Variants in UBXN7 observed in about 807,000 individuals in gnomAD.
UBXN7 encodes the protein UBX domain protein 7.
Under a neutral mutation model 58.0 loss-of-function variants are expected in UBXN7, and 9 were observed. The ratio of observed to expected loss-of-function variants is 0.16; its 90% confidence interval spans 0.09 to 0.27. UBXN7 has a LOEUF of 0.27. Ranked by LOEUF, UBXN7 falls within the 10% of genes least tolerant of loss-of-function variation. The pLI is 1.00. For synonymous variants in UBXN7, 208 were observed against 205.0 expected, an observed-to-expected ratio of 1.01 and a Z score of -0.12; for missense variants, 328 against 599.6, an observed-to-expected ratio of 0.55 and a Z score of 4.73.
At position 196,415,153 on chromosome 3, in the gene UBXN7, C is replaced by CTT. The variant is rs869101939; in HGVS notation, c.74-7762_74-7761dup. Among the ~76,000 whole-genome samples the CTT allele has an allele frequency of 8.3e-4, 108 of 130,354 alleles. 1 individual carries two copies. The highest frequency in any genetic ancestry group is 8.9e-4 in the Non-Finnish European group (54 of 60,808). 85.5% of individuals were successfully genotyped at this position (130,354 alleles called of 152,430 possible). A position where few individuals can be genotyped will look rare whatever the true frequency, so the allele number is the denominator to read the frequency against. On this transcript the variant is annotated intron_variant, in intron 1 of 10. Transcript: ENST00000296328. ...TACATTGTGTTGTATTATCATACTT[C>CTT]TTTTTTTTTTTTTTTTTTGAGACAG...
At position 196,362,698 on chromosome 3, in the gene UBXN7, G is replaced by A. The variant is rs757826319; in HGVS notation, c.835-11C>T. The A allele has an allele frequency of 1.9e-6, 3 of 1,590,066 alleles. No homozygotes were observed. Among genetic ancestry groups the A allele is most frequent in the Admixed American group, 1.7e-5 (1 of 57,280 alleles). ...ATCTATAAGGCTCTCCTGTGAGATG[G>A]AGTCATAAAACACAGGAAAAAGAAC... On this transcript the variant is annotated splice_polypyrimidine_tract_variant and intron_variant, in intron 8 of 10. Coordinates refer to ENST00000296328, the MANE Select transcript of UBXN7 (RefSeq NM_015562.2).
chr3:196,410,236 G>A (rs576163271), intron 1 of UBXN7, among the ~76,000 whole-genome samples: 1 of 152,102 alleles, frequency 6.6e-6, no homozygotes, highest in East Asian at 1.9e-4. Flanking sequence ...CACCACACTT[G>A]GCCTAAAAAA....
chr3:196,382,683 C>G (rs181979295), intron 5 of UBXN7, among the ~76,000 whole-genome samples: 4 of 152,292 alleles, frequency 2.6e-5, no homozygotes, highest in Admixed American at 2.0e-4. Context: ...AATTAAAAGA[C>G]ACAGACTGGC....
At chr3:196,401,767 TTAAAA>T (rs1447364629) in intron 3 of UBXN7, among the ~76,000 whole-genome samples, 3 of 82,032 alleles carry the variant, frequency 3.7e-5, no homozygotes, top group Non-Finnish European at 5.2e-5. Context: ...CATCTCTATT[TTAAAA>T]AAAAAAAAAA....
At chr3:196,402,021 G>GTATT (rs1577464539) in intron 3 of UBXN7, among the ~76,000 whole-genome samples, 2 of 152,064 alleles carry the variant, frequency 1.3e-5, no homozygotes, top group Admixed American at 1.3e-4. Flanking sequence ...GTACTCAATT[G>GTATT]TATTTATTTA....
chr3:196,375,183 CCACACACACACACACACACACACA>C (rs56188527), intron 5 of UBXN7, among the ~76,000 whole-genome samples: 1 of 139,732 alleles, frequency 7.2e-6, no homozygotes, highest in African/African-American at 2.7e-5. Context: ...GGTGCTCTTA[CCACACACACACACACACACACACA>C]CACACACACA....
chr3:196,361,797 G>C (rs753071089), intron 10 of UBXN7, 47 bp downstream of exon 10: 3 of 1,530,240 alleles, frequency 2.0e-6, no homozygotes, highest in African/African-American at 2.8e-5. Flanking sequence ...TTTGGGACTC[G>C]TCTTATTGCA....
chr3:196,387,137 A>G (rs576884857), intron 5 of UBXN7, among the ~76,000 whole-genome samples: 1 of 152,322 alleles, frequency 6.6e-6, no homozygotes, highest in African/African-American at 2.4e-5. Flanking sequence ...AACACCACAC[A>G]TCTACAACCA....
intron 5 of UBXN7, among the ~76,000 whole-genome samples, chr3:196,379,538 A>G (rs1279856872): frequency 1.3e-5 from 2 of 152,152 alleles, no homozygotes; most frequent in African/African-American, 2.4e-5. Flanking sequence ...AGAGGGAAAA[A>G]GATTCAACTT....
At chr3:196,388,747 T>C (rs1294430227) in intron 5 of UBXN7, among the ~76,000 whole-genome samples, 1 of 152,158 alleles carries the variant, frequency 6.6e-6, no homozygotes, top group Admixed American at 6.5e-5. Flanking sequence ...CCAAAGAGTA[T>C]CCCTCTAATT....
intron 1 of UBXN7, among the ~76,000 whole-genome samples, chr3:196,430,323 C>G (rs1274345388): frequency 6.6e-6 from 1 of 151,960 alleles, no homozygotes; most frequent in South Asian, 2.1e-4. Context: ...CCTGGGAGAT[C>G]TGCACTCCAA....
intron 5 of UBXN7, among the ~76,000 whole-genome samples, chr3:196,373,952 G>A (rs917971649): frequency 2.6e-5 from 4 of 152,258 alleles, no homozygotes; most frequent in South Asian, 2.1e-4. Flanking sequence ...CCAGGAAGCC[G>A]CATTTAACTG....
intron 1 of UBXN7, among the ~76,000 whole-genome samples, chr3:196,418,421 G>A (rs920379085): frequency 1.2e-4 from 19 of 152,178 alleles, no homozygotes; most frequent in Non-Finnish European, 2.6e-4. Context: ...TAAACAGGCA[G>A]AGAAAGACAT....
chr3:196,429,114 T>C (rs1577484804), intron 1 of UBXN7, among the ~76,000 whole-genome samples: 2 of 151,006 alleles, frequency 1.3e-5, no homozygotes, highest in South Asian at 2.1e-4. Context: ...GATCACGAGG[T>C]CAGGAGATCG....
intron 1 of UBXN7, among the ~76,000 whole-genome samples, chr3:196,421,316 A>G (rs1333802438): frequency 6.6e-6 from 1 of 152,230 alleles, no homozygotes; most frequent in Non-Finnish European, 1.5e-5. Flanking sequence ...CACCTAGGCC[A>G]GTACTACCCA....
At chr3:196,407,464 T>C (rs1353437532) in intron 1 of UBXN7, 71 bp from the exon 2 acceptor site, 6 of 1,517,332 alleles carry the variant, frequency 4.0e-6, no homozygotes, top group Non-Finnish European at 5.3e-6. Context: ...CTTCAGCTCA[T>C]ATTAGAATTC....
chr3:196,424,972 G>T (rs1373653585), intron 1 of UBXN7, among the ~76,000 whole-genome samples: 1 of 152,014 alleles, frequency 6.6e-6, no homozygotes, highest in Non-Finnish European at 1.5e-5. Flanking sequence ...AAAGTGCTGG[G>T]ATTCCAGGTG....
At chr3:196,419,670 C>G (rs1730619743) in intron 1 of UBXN7, among the ~76,000 whole-genome samples, 1 of 152,104 alleles carries the variant, frequency 6.6e-6, no homozygotes. Context: ...CATGAGAGAC[C>G]ATTTTTGGTG....
At chr3:196,431,963 T>C (rs941954826) in intron 1 of UBXN7, 26 of 436,774 alleles carry the variant, frequency 6.0e-5, no homozygotes, top group African/African-American at 1.4e-4. Context: ...GAAGGGAAGA[T>C]GATGAAGGAG....
Sources: allele counts gnomAD v4.1 joint callset (sites outside exome capture counted in the v4.1 genomes callset), GRCh38; gene constraint gnomAD v4.1.1; transcripts MANE v1.5; gene names NCBI Gene and HGNC (gene_info 2026-07-23, HGNC 2026-07-21).